The following SMYD3 variants were observed in gnomAD, a reference collection of about 807,000 sequenced individuals.
SMYD3 encodes histone-lysine N-methyltransferase SMYD3.
Under a neutral mutation model 57.7 loss-of-function variants are expected in SMYD3, and 36 were observed. That is an observed-to-expected ratio of 0.62 (90% CI 0.48 to 0.82). The LOEUF is 0.82. Among genes scored for constraint, SMYD3 ranks in the 40% least tolerant of loss-of-function variants. SMYD3 has a pLI of 0.00. For missense variants in SMYD3, 515 were observed against 538.8 expected, an observed-to-expected ratio of 0.96 and a Z score of 0.44; for synonymous variants, 211 against 195.0, an observed-to-expected ratio of 1.08 and a Z score of -0.68.
chr1:246,188,045 T>C (rs545494977), intron 5 of SMYD3, among the ~76,000 whole-genome samples: 2 of 152,268 alleles, frequency 1.3e-5, no homozygotes, highest in Admixed American at 6.5e-5. Context: ...TAAGAATGTA[T>C]AATAAATATC....
intron 5 of SMYD3, among the ~76,000 whole-genome samples, chr1:245,985,222 T>C (rs972464491): frequency 6.6e-6 from 1 of 152,178 alleles, no homozygotes; most frequent in Non-Finnish European, 1.5e-5. Context: ...GCTCTCGTCT[T>C]CTGATGCCAT....
chr1:246,458,559 G>T (rs2067740935), intron 1 of SMYD3, among the ~76,000 whole-genome samples: 1 of 138,056 alleles, frequency 7.2e-6, no homozygotes, highest in African/African-American at 2.7e-5. Context: ...CCATTCTCCT[G>T]CCTCAGTCTC....
chr1:246,362,591 C>T (rs2066010939), intron 1 of SMYD3, among the ~76,000 whole-genome samples: 1 of 152,224 alleles, frequency 6.6e-6, no homozygotes, highest in Admixed American at 6.5e-5. Context: ...CTGCCAAGTG[C>T]CTGCGATTGC....
At chr1:245,911,727 T>G (rs1383105033) in intron 8 of SMYD3, among the ~76,000 whole-genome samples, 2 of 152,014 alleles carry the variant, frequency 1.3e-5, no homozygotes, top group Non-Finnish European at 2.9e-5. Flanking sequence ...GTTTTGAGGC[T>G]GGAAAGAGTA....
intron 5 of SMYD3, chr1:246,096,491 T>C (rs1446429895): frequency 6.6e-6 from 1 of 152,116 alleles, no homozygotes; most frequent in Non-Finnish European, 1.5e-5. Flanking sequence ...ATTATGACGA[T>C]GGGAAGAATG....
chr1:245,993,946 T>C (rs1265034512), intron 5 of SMYD3, among the ~76,000 whole-genome samples: 3 of 152,200 alleles, frequency 2.0e-5, no homozygotes, highest in African/African-American at 7.2e-5. Flanking sequence ...TAAACTACAA[T>C]ATCCAATATT....
chr1:246,243,595 G>A (rs1162242630), intron 5 of SMYD3, among the ~76,000 whole-genome samples: 1 of 151,716 alleles, frequency 6.6e-6, no homozygotes, highest in Admixed American at 6.6e-5. Context: ...CCATTAATCA[G>A]TTATACTGTA....
At chr1:245,930,177 A>AG (rs1315179940) in intron 5 of SMYD3, 9 of 521,486 alleles carry the variant, frequency 1.7e-5, no homozygotes, top group Non-Finnish European at 3.2e-5. Flanking sequence ...AAAAAAAAAA[A>AG]CAGACGGAAA....
At chr1:246,218,990 C>A (rs1240767783) in intron 5 of SMYD3, among the ~76,000 whole-genome samples, 1 of 149,682 alleles carries the variant, frequency 6.7e-6, no homozygotes, top group East Asian at 2.0e-4. Flanking sequence ...GCACCAATAG[C>A]TTTATCTGTA....
intron 11 of SMYD3, among the ~76,000 whole-genome samples, chr1:245,763,610 G>A (rs2045949611): frequency 6.6e-6 from 1 of 152,096 alleles, no homozygotes; most frequent in Non-Finnish European, 1.5e-5. Flanking sequence ...GGGGAGAAGT[G>A]GCTGCAAAGG....
intron 1 of SMYD3, among the ~76,000 whole-genome samples, chr1:246,399,937 T>C (rs1447201688): frequency 2.6e-5 from 4 of 152,218 alleles, no homozygotes; most frequent in African/African-American, 9.6e-5. Context: ...ATTCTCACTG[T>C]ATCCACGTCC....
intron 8 of SMYD3, among the ~76,000 whole-genome samples, chr1:245,867,651 T>C (rs4654144): frequency 0.46 from 66,948 of 144,730 alleles, 17,819 homozygotes; most frequent in East Asian, 0.81. Context: ...TGCATGCGCG[T>C]GCGTGTGCGT....
At chr1:246,111,624 T>C (rs1478349003) in intron 5 of SMYD3, 2 of 152,264 alleles carry the variant, frequency 1.3e-5, no homozygotes, top group African/African-American at 4.8e-5. Flanking sequence ...CTAAACTGTA[T>C]GATCCTTCCT....
At chr1:246,313,397 G>A (rs552003190) in intron 5 of SMYD3, among the ~76,000 whole-genome samples, 1 of 152,172 alleles carries the variant, frequency 6.6e-6, no homozygotes, top group East Asian at 1.9e-4. Context: ...ACACCAACCA[G>A]CAAGTCACAC....
chr1:245,947,027 T>G (rs528449687), intron 5 of SMYD3, among the ~76,000 whole-genome samples: 1 of 152,224 alleles, frequency 6.6e-6, no homozygotes, highest in African/African-American at 2.4e-5. Flanking sequence ...ATGAGTCTGC[T>G]GCTCTTCCGT....
intron 5 of SMYD3, among the ~76,000 whole-genome samples, chr1:246,032,304 C>T (rs560126948): frequency 1.3e-5 from 2 of 152,258 alleles, no homozygotes; most frequent in South Asian, 4.1e-4. Flanking sequence ...CCATAAATGG[C>T]CTCAGAGTTT....
At chr1:246,264,229 C>T (rs2064064000) in intron 5 of SMYD3, among the ~76,000 whole-genome samples, 1 of 152,118 alleles carries the variant, frequency 6.6e-6, no homozygotes, top group South Asian at 2.1e-4. Context: ...ATCAATTGTT[C>T]TGAATATAAT....
At chr1:246,138,586 C>T (rs2061702020) in intron 5 of SMYD3, among the ~76,000 whole-genome samples, 1 of 119,590 alleles carries the variant, frequency 8.4e-6, no homozygotes, top group South Asian at 2.5e-4. Flanking sequence ...CCACCACGCC[C>T]GGCTAATTTT....
rs147641221 is a variant in SMYD3, at chr1:246,097,239, G to C, written c.532-167302C>G. Among the ~76,000 whole-genome samples the C allele has an allele frequency of 6.7e-3, 1,013 of 152,182 alleles. 16 individuals carry two copies. The highest frequency in any genetic ancestry group is 9.2e-3 in the Non-Finnish European group (628 of 68,016). On this transcript the variant is annotated intron_variant, in intron 5 of 11. Coordinates refer to ENST00000490107, the MANE Select transcript of SMYD3 (RefSeq NM_001167740.2). ...CTTAACTTGCACCAAGCCTGAGGAG[G>C]TCAGTGCTTGGCACACATTAAGAAA...
Sources: allele counts gnomAD v4.1 joint callset (sites outside exome capture counted in the v4.1 genomes callset), GRCh38; gene constraint gnomAD v4.1.1; transcripts MANE v1.5; gene names NCBI Gene and HGNC (gene_info 2026-07-23, HGNC 2026-07-21).